The following ZNF385D variants were observed in gnomAD, a reference collection of about 807,000 sequenced individuals.
ZNF385D encodes the protein zinc finger protein 659.
ZNF385D carries 15 observed loss-of-function variants against 35.8 expected under a neutral mutation model. The ratio of observed to expected loss-of-function variants is 0.42; its 90% CI spans 0.28 to 0.64. ZNF385D has a LOEUF of 0.64. Among genes scored for constraint, ZNF385D ranks in the 30% least tolerant of loss-of-function variants. The pLI, the probability that ZNF385D is intolerant of heterozygous loss-of-function variation, is 0.23. For synonymous variants in ZNF385D, 212 were observed against 186.8 expected, an observed-to-expected ratio of 1.13 and a Z score of -1.10; for missense variants, 474 against 494.6, an observed-to-expected ratio of 0.96 and a Z score of 0.39.
rs866499947 is a variant in ZNF385D, at chr3:21,912,074, G to A, written c.326-247046C>T. Among the ~76,000 whole-genome samples, 15 of 151,888 alleles carry A rather than the reference G, an allele frequency of 9.9e-5. No individual in the cohort carries two copies. The Middle Eastern group carries it at 0.01, about 105-fold the overall frequency. ...TTGTTCCAGGAAATCTTTGCTCCTG[G>A]AATCTAAACAGCTTGCTTACTTAGG... On this transcript the variant is annotated intron_variant, in intron 3 of 5. Transcript: ENST00000494108.
chr3:22,123,862 C>G (rs1275773124), intron 3 of ZNF385D, among the ~76,000 whole-genome samples: 1 of 141,902 alleles, frequency 7.0e-6, no homozygotes, highest in African/African-American at 2.7e-5. Flanking sequence ...AATTCTGTCT[C>G]AGAAAAACCA....
At chr3:22,314,949 G>C (rs753608560) in intron 2 of ZNF385D, among the ~76,000 whole-genome samples, 3 of 152,114 alleles carry the variant, frequency 2.0e-5, no homozygotes, top group African/African-American at 4.8e-5. Flanking sequence ...AATGGATGTG[G>C]AGTAAGGGTT....
intron 3 of ZNF385D, among the ~76,000 whole-genome samples, chr3:21,977,963 G>A (rs941910808): frequency 6.6e-6 from 1 of 152,150 alleles, no homozygotes; most frequent in African/African-American, 2.4e-5. Context: ...TCTGCTTTTT[G>A]TTCAGCAGAC....
intron 1 of ZNF385D, among the ~76,000 whole-genome samples, chr3:21,746,514 G>C (rs1232315653): frequency 2.0e-5 from 3 of 152,168 alleles, no homozygotes; most frequent in Non-Finnish European, 4.4e-5. Context: ...GTATTCACCT[G>C]TTAACATTCT....
chr3:22,072,897 T>A (rs1325446181), intron 3 of ZNF385D, among the ~76,000 whole-genome samples: 1 of 151,824 alleles, frequency 6.6e-6, no homozygotes, highest in Admixed American at 6.6e-5. Flanking sequence ...GAAATTGAGA[T>A]TCCCGGGAAG....
intron 2 of ZNF385D, among the ~76,000 whole-genome samples, chr3:22,355,386 T>C (rs1482686279): frequency 1.3e-5 from 2 of 152,060 alleles, no homozygotes; most frequent in Non-Finnish European, 2.9e-5. Context: ...ATCACACATA[T>C]TCTTTCTAAC....
rs140950656 is a variant in ZNF385D at position 22,302,377 on chromosome 3, T to TTATA, written c.106+70069_106+70072dup. 3.3e-5 allele frequency among the ~76,000 whole-genome samples: 5 copies of TTATA among 150,604 alleles called. No individual in the cohort carries two copies. In the South Asian group the frequency reaches 6.3e-4, roughly 19 times the overall value. On this transcript the variant is annotated intron_variant, in intron 2 of 5. Transcript: ENST00000494108. ...GCTTTTCTATCAATGAATAGTAAAA[T>TTATA]TATATATATATATACATTATATAAT...
chr3:21,808,616 T>C (rs747094051), intron 3 of ZNF385D, among the ~76,000 whole-genome samples: 3 of 152,220 alleles, frequency 2.0e-5, no homozygotes, highest in Non-Finnish European at 2.9e-5. Context: ...GGGTGGACTG[T>C]TGTCAATTAT....
At chr3:21,822,335 G>C (rs183852489) in intron 3 of ZNF385D, among the ~76,000 whole-genome samples, 87 of 152,114 alleles carry the variant, frequency 5.7e-4, no homozygotes, top group Admixed American at 8.5e-4. Flanking sequence ...GCCTCCCAAA[G>C]TGCTGGGAGT....
chr3:21,662,223 C>T (rs1190867599), intron 2 of ZNF385D, among the ~76,000 whole-genome samples: 3 of 152,062 alleles, frequency 2.0e-5, no homozygotes, highest in Non-Finnish European at 2.9e-5. Flanking sequence ...TGTGTCTAAG[C>T]GTGGCACAGA....
At chr3:22,027,150 C>T (rs1275275807) in intron 3 of ZNF385D, among the ~76,000 whole-genome samples, 2 of 152,202 alleles carry the variant, frequency 1.3e-5, no homozygotes, top group Admixed American at 1.3e-4. Context: ...GATACTCCTT[C>T]TAAGGTGAAG....
intron 2 of ZNF385D, among the ~76,000 whole-genome samples, chr3:22,197,171 T>G (rs948697501): frequency 6.6e-6 from 1 of 152,140 alleles, no homozygotes; most frequent in Admixed American, 6.6e-5. Flanking sequence ...TGGTGCAATT[T>G]TTGTTGAATT....
At chr3:21,444,372 AC>A (rs778496024) in intron 4 of ZNF385D, among the ~76,000 whole-genome samples, 7 of 126,990 alleles carry the variant, frequency 5.5e-5, no homozygotes, top group African/African-American at 9.3e-5. Flanking sequence ...GAGCCACAGC[AC>A]CCGGCCTTTT....
At chr3:21,770,475 G>C (rs376679840) in intron 3 of ZNF385D, among the ~76,000 whole-genome samples, 6 of 152,112 alleles carry the variant, frequency 3.9e-5, no homozygotes, top group Non-Finnish European at 8.8e-5. Context: ...GCAGCCAAAA[G>C]ACACATGAAA....
At chr3:21,505,887 T>G (rs1811402) in intron 4 of ZNF385D, among the ~76,000 whole-genome samples, 83,267 of 151,926 alleles carry the variant, frequency 0.55, 22,952 homozygotes, top group East Asian at 0.64. Flanking sequence ...GCTCCTCCTA[T>G]ATCTCATTGA....
intron 3 of ZNF385D, among the ~76,000 whole-genome samples, chr3:22,121,464 G>A (rs1703084156): frequency 6.6e-6 from 1 of 152,122 alleles, no homozygotes; most frequent in Non-Finnish European, 1.5e-5. Flanking sequence ...ATGGAAAAAG[G>A]TATTGATTAA....
At chr3:22,294,654 T>C (rs559736639) in intron 2 of ZNF385D, among the ~76,000 whole-genome samples, 1 of 152,128 alleles carries the variant, frequency 6.6e-6, no homozygotes, top group East Asian at 1.9e-4. Context: ...TGCTGATGAT[T>C]ACTAACTGAG....
intron 3 of ZNF385D, among the ~76,000 whole-genome samples, chr3:21,818,253 A>C (rs1178852260): frequency 6.6e-6 from 1 of 152,224 alleles, no homozygotes; most frequent in Non-Finnish European, 1.5e-5. Flanking sequence ...TGGGTGCATC[A>C]CACCAACATG....
rs1355191267 is a variant in ZNF385D, at chr3:22,241,655, AT to A, written c.107-72621del. On this transcript the variant is annotated intron_variant, in intron 2 of 5. Transcript: ENST00000494108. Reference sequence around the variant, plus strand: ...CAGGGTAGAATTTTCTTGAACATCCATTTTCTTTCTTTTTTTCTTTTCCTGG... The same window carrying A: ...CAGGGTAGAATTTTCTTGAACATCCATTTCTTTCTTTTTTTCTTTTCCTGG... Among the ~76,000 whole-genome samples the A allele has an allele frequency of 2.7e-5, 4 of 150,552 alleles. 1 individual carries two copies. The highest frequency in any genetic ancestry group is 2.0e-4 in the Admixed American group (3 of 15,094).
Sources: allele counts gnomAD v4.1 joint callset (sites outside exome capture counted in the v4.1 genomes callset), GRCh38; gene constraint gnomAD v4.1.1; transcripts MANE v1.5; gene names NCBI Gene and HGNC (gene_info 2026-07-23, HGNC 2026-07-21).